The following UBE2Q2 variants were observed in gnomAD, a reference collection of about 807,000 sequenced individuals.
UBE2Q2 encodes the protein ubiquitin conjugating enzyme E2 Q2.
Under a neutral mutation model 59.9 loss-of-function variants are expected in UBE2Q2, and 54 were observed. That is an observed-to-expected ratio of 0.90 (90% CI 0.72 to 1.13). The LOEUF is 1.13. Among genes scored for constraint, UBE2Q2 ranks in the 50% most tolerant of loss-of-function variants. UBE2Q2 has a pLI of 0.00. For synonymous variants in UBE2Q2, 165 were observed against 155.2 expected (o/e 1.06, Z -0.47); for missense variants, 433 against 441.9 (o/e 0.98, Z 0.18).
intron 9 of UBE2Q2, among the ~76,000 whole-genome samples, chr15:75,886,212 C>T (rs1363566165): frequency 2.0e-5 from 3 of 151,994 alleles, no homozygotes; most frequent in East Asian, 3.9e-4. Context: ...CTATGCCTCC[C>T]GGGTTCAAGC....
At position 75,884,976 on chromosome 15, in the gene UBE2Q2, T is replaced by C. The variant is rs74822813; in HGVS notation, c.884+1552T>C. ...AATATTGTTTTTCAAAATTATTTTATTATTTTTTGTCCTTTTTTGTTTTTA... is the reference window on the plus strand; with the variant it reads ...AATATTGTTTTTCAAAATTATTTTACTATTTTTTGTCCTTTTTTGTTTTTA... On this transcript the variant is annotated intron_variant, in intron 9 of 12. Transcript: ENST00000267938. Among the ~76,000 whole-genome samples, 467 of 152,300 alleles carry C rather than the reference T, an allele frequency of 3.1e-3. 4 individuals carry two copies. Among genetic ancestry groups the C allele is most frequent in the East Asian group, 0.02 (104 of 5,190 alleles).
Position 75,890,958 on chromosome 15 carries a change from CA to C in UBE2Q2, c.976del (p.Ile326Ter). ...SAYSIESVIM[Q>X]INATLVKGKA... ...CTACTCAATAGAATCGGTCATCATG[CA>C]AATAAATGCCACCTTAGTCAAAGGC... On this transcript the variant is annotated frameshift_variant, in exon 11 of 13. Transcript: ENST00000267938. LOFTEE classifies it high-confidence loss of function. The C allele has an allele frequency of 6.2e-7, 1 of 1,612,478 alleles. No individual in the cohort carries two copies. Among genetic ancestry groups the C allele is most frequent in the Non-Finnish European group, 8.5e-7 (1 of 1,179,934 alleles).
chr15:75,843,458 T>G lies in UBE2Q2; in HGVS notation c.-209T>G, dbSNP rs1205235214. 1.7e-5 allele frequency: 4 copies of G among 230,136 alleles called. No homozygotes were observed. The highest frequency in any genetic ancestry group is 1.0e-4 in the East Asian group (1 of 9,836). 14.3% of individuals were successfully genotyped at this position (230,136 alleles called of 1,614,324 possible). A position where few individuals can be genotyped will look rare whatever the true frequency, so the allele number is the denominator to read the frequency against. On this transcript the variant is annotated 5_prime_UTR_variant, in exon 1 of 13. Coordinates refer to ENST00000267938, the MANE Select transcript of UBE2Q2 (RefSeq NM_173469.4). ...CGCCGCCTCCTGCCGCTGGAGTCGG[T>G]TACAAAGGAAGCGCCACCCAGGCCG...
intron 11 of UBE2Q2, among the ~76,000 whole-genome samples, chr15:75,896,761 T>C (rs1367726353): frequency 6.6e-6 from 1 of 152,208 alleles, no homozygotes; most frequent in Non-Finnish European, 1.5e-5. Flanking sequence ...CTTATAAAAA[T>C]GAACTGTGAG....
chr15:75,876,046 CAG>C, intron 5 of UBE2Q2, 139 bp from the exon 6 acceptor site: 1 of 702,524 alleles, frequency 1.4e-6, no homozygotes, highest in Non-Finnish European at 2.2e-6. Flanking sequence ...GCCTGGGTAA[CAG>C]GGCTAGACTC....
intron 1 of UBE2Q2, among the ~76,000 whole-genome samples, chr15:75,850,747 A>G (rs750017651): frequency 6.6e-6 from 1 of 152,220 alleles, no homozygotes; most frequent in African/African-American, 2.4e-5. Context: ...AGCAGTTCTC[A>G]AAGTTTTGGG....
chr15:75,868,435 A>AG, intron 3 of UBE2Q2, among the ~76,000 whole-genome samples: 1 of 152,312 alleles, frequency 6.6e-6, no homozygotes, highest in African/African-American at 2.4e-5. Flanking sequence ...CTTTTTAGTG[A>AG]GGTGGTAATC....
In UBE2Q2 at chr15:75,890,519, A is replaced by G; in HGVS notation, c.933+36A>G. The G allele has an allele frequency of 3.2e-6, 5 of 1,587,172 alleles. No individual in the cohort carries two copies. The South Asian group carries it at 3.4e-5, about 11-fold the overall frequency. Reference sequence around the variant, plus strand: ...TTACGATACTCCATTTTCACCCACAATTTAGTGTTTTGATCATGTAAATTA... The same window carrying G: ...TTACGATACTCCATTTTCACCCACAGTTTAGTGTTTTGATCATGTAAATTA... On this transcript the variant is annotated intron_variant, in intron 10 of 12. Coordinates refer to ENST00000267938, the MANE Select transcript of UBE2Q2 (RefSeq NM_173469.4).
At chr15:75,856,805 G>A (rs1408500540) in intron 2 of UBE2Q2, among the ~76,000 whole-genome samples, 1 of 152,064 alleles carries the variant, frequency 6.6e-6, no homozygotes, top group Admixed American at 6.5e-5. Context: ...TTAGCCGGGT[G>A]TGGTGGCATG....
In UBE2Q2 at chr15:75,849,258, A is replaced by G. The variant is rs184384026; in HGVS notation, c.181-5128A>G. Among the ~76,000 whole-genome samples the G allele has an allele frequency of 4.0e-4, 61 of 152,340 alleles. No individual in the cohort carries two copies. In the East Asian group the frequency reaches 0.011, roughly 26 times the overall value. ...TTACTTCGTTCTCCACCCCACATTT[A>G]TTGAACAGCAAACTATGAAAGTAAT... On this transcript the variant is annotated intron_variant, in intron 1 of 12. Coordinates refer to ENST00000267938, the MANE Select transcript of UBE2Q2 (RefSeq NM_173469.4).
chr15:75,890,042 T>A (rs1381330746), intron 9 of UBE2Q2, among the ~76,000 whole-genome samples: 2 of 152,196 alleles, frequency 1.3e-5, no homozygotes, highest in Non-Finnish European at 2.9e-5. Context: ...AGTGTCATTG[T>A]CAGGGGAAAA....
intron 1 of UBE2Q2, chr15:75,844,649 T>C (rs1163261570): frequency 2.8e-6 from 2 of 701,830 alleles, no homozygotes; most frequent in Non-Finnish European, 4.5e-6. Context: ...GAAATCTCAT[T>C]AGAAACCCAA....
At chr15:75,881,952 G>A (rs1406618788) in intron 8 of UBE2Q2, among the ~76,000 whole-genome samples, 1 of 152,148 alleles carries the variant, frequency 6.6e-6, no homozygotes, top group Admixed American at 6.5e-5. Context: ...ATTGTATTCC[G>A]TGTCCTAGGA....
intron 5 of UBE2Q2, among the ~76,000 whole-genome samples, chr15:75,874,080 G>A (rs1175218305): frequency 2.0e-5 from 3 of 151,894 alleles, no homozygotes; most frequent in Admixed American, 6.6e-5. Flanking sequence ...TTCATATCCT[G>A]GAACCACCTG....
At chr15:75,844,590 GT>G in intron 1 of UBE2Q2, 1 of 1,286,364 alleles carries the variant, frequency 7.8e-7, no homozygotes. Context: ...GAAAGATCAC[GT>G]ATGTCACAAA....
chr15:75,862,844 T>G (rs942239794), intron 3 of UBE2Q2, among the ~76,000 whole-genome samples: 4 of 145,346 alleles, frequency 2.8e-5, no homozygotes, highest in Non-Finnish European at 4.5e-5. Context: ...AAAAAAGGAC[T>G]GAAAGACTGA....
In UBE2Q2 at chr15:75,854,372, T is replaced by A; in HGVS notation, c.181-14T>A. Reference sequence around the variant, plus strand: ...TGTATGTAAATGTTTAACATGTGTCTCTGTGTTAAACAGGAATCCTATCCA... The same window carrying A: ...TGTATGTAAATGTTTAACATGTGTCACTGTGTTAAACAGGAATCCTATCCA... On this transcript the variant is annotated splice_polypyrimidine_tract_variant and intron_variant, in intron 1 of 12. Coordinates refer to ENST00000267938, the MANE Select transcript of UBE2Q2 (RefSeq NM_173469.4). The A allele has an allele frequency of 6.3e-7, 1 of 1,596,762 alleles. No individual in the cohort carries two copies. Among genetic ancestry groups the A allele is most frequent in the Non-Finnish European group, 8.6e-7 (1 of 1,167,450 alleles).
chr15:75,854,334 A>G (rs906418543), intron 1 of UBE2Q2, 52 bp from the exon 2 acceptor site: 1 of 1,422,938 alleles, frequency 7.0e-7, no homozygotes, highest in Non-Finnish European at 9.8e-7. Flanking sequence ...TTAATTGCAT[A>G]TTTGGGTTAG....
intron 1 of UBE2Q2, among the ~76,000 whole-genome samples, chr15:75,847,001 C>T (rs1369711749): frequency 6.6e-6 from 1 of 152,184 alleles, no homozygotes; most frequent in African/African-American, 2.4e-5. Context: ...CAAGGCTCTT[C>T]TGGGTCATAT....
Sources: gnomAD v4.1 joint callset for allele counts (sites outside exome capture counted in the v4.1 genomes callset) on GRCh38, gnomAD v4.1.1 for gene constraint, MANE v1.5 for transcripts, NCBI Gene and HGNC (gene_info 2026-07-23, HGNC 2026-07-21) for gene names.